Variants in TRIQK observed in about 807,000 individuals in gnomAD.
TRIQK encodes the protein triple QxxK/R motif-containing protein.
Under a neutral mutation model 10.8 loss-of-function variants are expected in TRIQK, and 10 were observed. The ratio of observed to expected loss-of-function variants is 0.92; its 90% CI spans 0.57 to 1.57. The LOEUF is 1.57. Among genes scored for constraint, TRIQK ranks in the 40% most tolerant of loss-of-function variants. The pLI is 0.00. For synonymous variants in TRIQK, 33 were observed against 33.7 expected (o/e 0.98, Z 0.07); for missense variants, 107 against 97.7 (o/e 1.09, Z -0.40).
intron 1 of TRIQK, among the ~76,000 whole-genome samples, chr8:92,977,580 A>G (rs1230145241): frequency 6.6e-6 from 1 of 152,102 alleles, no homozygotes; most frequent in Admixed American, 6.6e-5. Flanking sequence ...TTGGGAAGAT[A>G]GTTATAACTG....
chr8:92,914,445 A>T (rs1347826943), intron 3 of TRIQK, among the ~76,000 whole-genome samples: 2 of 152,228 alleles, frequency 1.3e-5, no homozygotes, highest in Non-Finnish European at 2.9e-5. Context: ...ATAAAAAGGT[A>T]ATCTACAAAA....
intron 1 of TRIQK, among the ~76,000 whole-genome samples, chr8:93,010,671 CTT>C (rs1813322723): frequency 6.6e-6 from 1 of 151,992 alleles, no homozygotes; most frequent in South Asian, 2.1e-4. Context: ...AAATGCCACA[CTT>C]TATAGAACGG....
chr8:92,953,524 A>G (rs1301425047), intron 2 of TRIQK: 1 of 152,024 alleles, frequency 6.6e-6, no homozygotes, highest in Non-Finnish European at 1.5e-5. Flanking sequence ...GTGAAATTTT[A>G]ATAACGACCA....
intron 3 of TRIQK, among the ~76,000 whole-genome samples, chr8:92,897,549 A>T (rs141587511): frequency 9.7e-4 from 148 of 152,208 alleles, no homozygotes; most frequent in African/African-American, 3.4e-3. Context: ...GCTTTCTTGT[A>T]TGTGCTCTTT....
At chr8:92,930,587 T>C (rs547475494) in intron 2 of TRIQK, among the ~76,000 whole-genome samples, 1 of 152,126 alleles carries the variant, frequency 6.6e-6, no homozygotes, top group South Asian at 2.1e-4. Context: ...GCTAAGAGCT[T>C]AATCAAACAA....
At chr8:92,920,188 C>T (rs1489110747) in intron 2 of TRIQK, among the ~76,000 whole-genome samples, 2 of 151,534 alleles carry the variant, frequency 1.3e-5, no homozygotes, top group African/African-American at 4.8e-5. Flanking sequence ...AGAGTACAAC[C>T]TGATTACCAC....
chr8:92,979,898 A>C (rs1426993621), intron 1 of TRIQK, among the ~76,000 whole-genome samples: 1 of 152,116 alleles, frequency 6.6e-6, no homozygotes, highest in East Asian at 1.9e-4. Flanking sequence ...CTGTCTTGAA[A>C]TTATATATGA....
At chr8:92,958,261 G>A (rs1329568457) in intron 1 of TRIQK, among the ~76,000 whole-genome samples, 2 of 151,802 alleles carry the variant, frequency 1.3e-5, no homozygotes, top group African/African-American at 4.8e-5. Context: ...TTATTTCAAT[G>A]TTGCTCAGCC....
chr8:93,011,607 G>C (rs955107819), intron 1 of TRIQK, among the ~76,000 whole-genome samples: 2 of 152,060 alleles, frequency 1.3e-5, no homozygotes, highest in Non-Finnish European at 2.9e-5. Context: ...GAAATGGGAA[G>C]ACTGTAGCAA....
At chr8:92,984,807 C>A (rs1813017599) in intron 1 of TRIQK, among the ~76,000 whole-genome samples, 1 of 151,948 alleles carries the variant, frequency 6.6e-6, no homozygotes, top group African/African-American at 2.4e-5. Flanking sequence ...TCTTCTTTAC[C>A]ATTTTGCCTT....
chr8:92,889,413 G>A lies in TRIQK; in HGVS notation c.147+2576C>T, dbSNP rs1816650286. On this transcript the variant is annotated intron_variant, in intron 4 of 4. Transcript: ENST00000521988. The stretch of plus-strand genomic sequence containing the variant: ...ATATTTATGGTAATTTATAAATAAT[G>A]AAAGATTGAGTAAAATTTATATAAT... Among the ~76,000 whole-genome samples, 3 of 151,526 alleles carry A rather than the reference G, an allele frequency of 2.0e-5. No homozygotes were observed. The South Asian group carries it at 6.2e-4, about 31-fold the overall frequency.
At chr8:92,964,625 A>G (rs1441101565) in intron 1 of TRIQK, among the ~76,000 whole-genome samples, 1 of 151,176 alleles carries the variant, frequency 6.6e-6, no homozygotes, top group Non-Finnish European at 1.5e-5. Flanking sequence ...AAAAAAAATC[A>G]CAAGGGAAAT....
intron 2 of TRIQK, among the ~76,000 whole-genome samples, chr8:92,953,097 T>C (rs1447726910): frequency 6.6e-6 from 1 of 152,046 alleles, no homozygotes; most frequent in East Asian, 1.9e-4. Flanking sequence ...CATAGTCTGA[T>C]TTAAATGCTG....
chr8:92,981,458 A>C (rs1419346709), intron 1 of TRIQK, among the ~76,000 whole-genome samples: 1 of 151,938 alleles, frequency 6.6e-6, no homozygotes, highest in East Asian at 1.9e-4. Context: ...AATAGTTTCT[A>C]ATAGTAAGTT....
At chr8:92,910,127 T>G (rs909475408) in intron 3 of TRIQK, among the ~76,000 whole-genome samples, 6 of 151,492 alleles carry the variant, frequency 4.0e-5, no homozygotes, top group African/African-American at 1.4e-4. Context: ...GTACCTTCTG[T>G]GAACATCATT....
At chr8:92,993,117 C>T (rs1356140814) in intron 1 of TRIQK, among the ~76,000 whole-genome samples, 1 of 152,136 alleles carries the variant, frequency 6.6e-6, no homozygotes, top group Non-Finnish European at 1.5e-5. Context: ...ATTGGTAAGG[C>T]TGTTACATCA....
intron 3 of TRIQK, among the ~76,000 whole-genome samples, chr8:92,912,781 A>G (rs1399757099): frequency 6.6e-6 from 1 of 152,020 alleles, no homozygotes; most frequent in African/African-American, 2.4e-5. Flanking sequence ...ATGAATCAAG[A>G]AGAAATAGAA....
chr8:92,944,163 A>C (rs1811404185), intron 2 of TRIQK, among the ~76,000 whole-genome samples: 1 of 152,120 alleles, frequency 6.6e-6, no homozygotes, highest in African/African-American at 2.4e-5. Flanking sequence ...ACAGCACCTT[A>C]CACCTGTTAA....
chr8:92,905,582 T>G (rs1809210319), intron 3 of TRIQK, among the ~76,000 whole-genome samples: 2 of 152,176 alleles, frequency 1.3e-5, no homozygotes, highest in Non-Finnish European at 2.9e-5. Context: ...ATGTTCTTGT[T>G]TTTTAAACCT....
Sources: allele counts gnomAD v4.1 joint callset (sites outside exome capture counted in the v4.1 genomes callset), GRCh38; gene constraint gnomAD v4.1.1; transcripts MANE v1.5; gene names NCBI Gene and HGNC (gene_info 2026-07-23, HGNC 2026-07-21).